PFKFB3: variants seen among roughly 807,000 people sequenced by gnomAD.
PFKFB3 encodes the protein 6-phosphofructo-2-kinase/fructose-2,6-bisphosphatase 3.
In PFKFB3, 33 loss-of-function variants were observed where a neutral mutation model predicts 68.0. The ratio of observed to expected loss-of-function variants is 0.49; its 90% confidence interval spans 0.37 to 0.65. PFKFB3 has a LOEUF of 0.65. Among genes scored for constraint, PFKFB3 ranks in the 30% least tolerant of loss-of-function variants. The pLI is 0.00. For missense variants in PFKFB3, 586 were observed against 712.2 expected (o/e 0.82, Z 2.02); for synonymous variants, 315 against 288.2 (o/e 1.09, Z -0.94).
At chr10:6,161,427 G>A (rs1173597165) in intron 1 of PFKFB3, among the ~76,000 whole-genome samples, 3 of 152,010 alleles carry the variant, frequency 2.0e-5, no homozygotes, top group Non-Finnish European at 2.9e-5. Flanking sequence ...GGGATCCTTT[G>A]CAGTCACTCA....
the PFKFB3 span, among the ~76,000 whole-genome samples, chr10:6,321,651 A>T: frequency 6.6e-6 from 1 of 152,024 alleles, no homozygotes; most frequent in Non-Finnish European, 1.5e-5. Flanking sequence ...CTTTGCACTC[A>T]CCCAGCAAAA....
In PFKFB3 at chr10:6,154,938, C is replaced by T. The variant is rs1420195752; in HGVS notation, c.16+9925C>T. 6.6e-6 allele frequency among the ~76,000 whole-genome samples: 1 copy of T among 152,094 alleles called. No individual in the cohort carries two copies. The highest frequency in any genetic ancestry group is 1.9e-4 in the East Asian group (1 of 5,184). ...TCCTTGGTAGAGGCTGTGAGTGGCC[C>T]GTAGGAGGTCATGGTGACCTCCATG... On this transcript the variant is annotated intron_variant, in intron 1 of 14. Transcript: ENST00000379789. This position sits in a 1 kb window ranked among gnomAD's most constrained non-coding sequence, Gnocchi z 4.6.
chr10:6,224,098 G>A, intron 12 of PFKFB3, 51 bp from the exon 13 acceptor site: 2 of 1,609,774 alleles, frequency 1.2e-6, no homozygotes, highest in African/African-American at 1.3e-5. Context: ...GCTGTAAGCG[G>A]TGCTGTCCCT....
At chr10:6,177,394 T>TTCTTTCTTTCTTCCTTTCTTTTCTTTC in intron 1 of PFKFB3, among the ~76,000 whole-genome samples, 1 of 138,400 alleles carries the variant, frequency 7.2e-6, no homozygotes, top group Admixed American at 7.3e-5. Flanking sequence ...CTTTCTTTCT[T>TTCTTTCTTTCTTCCTTTCTTTTCTTTC]TCTTTCTTTC....
the PFKFB3 span, among the ~76,000 whole-genome samples, chr10:6,261,493 A>G: frequency 6.6e-6 from 1 of 152,250 alleles, no homozygotes; most frequent in African/African-American, 2.4e-5. Context: ...ATGCATGGAC[A>G]CAAAGCAGGG....
chr10:6,321,902 G>C, the PFKFB3 span, among the ~76,000 whole-genome samples: 19 of 152,070 alleles, frequency 1.2e-4, no homozygotes, highest in Admixed American at 1.2e-3. Context: ...CCACTTCCTG[G>C]TTTCTAAACA....
At chr10:6,319,722 A>G in the PFKFB3 span, among the ~76,000 whole-genome samples, 1 of 152,180 alleles carries the variant, frequency 6.6e-6, no homozygotes, top group African/African-American at 2.4e-5. Context: ...AAATTAAAAA[A>G]TGGACAAAAA....
chr10:6,254,226 C>A (rs1383264771), exon 15 of PFKFB3: 2 of 398,396 alleles, frequency 5.0e-6, no homozygotes, highest in Non-Finnish European at 4.4e-6. Context: ...ACCAGTCCAG[C>A]CCCCTGAAGG....
At chr10:6,239,180 A>G (rs1020471807), downstream of PFKFB3, among the ~76,000 whole-genome samples, 4 of 152,172 alleles carry the variant, frequency 2.6e-5, no homozygotes, top group African/African-American at 9.7e-5. Context: ...CACGCCTGAC[A>G]GTTCCTGGCA....
chr10:6,169,031 C>A (rs553421297), intron 1 of PFKFB3, among the ~76,000 whole-genome samples: 115 of 134,562 alleles, frequency 8.5e-4, no homozygotes, highest in Non-Finnish European at 1.6e-3. Context: ...TGCAACCTCC[C>A]CCTGGTTCAA....
chr10:6,185,579 T>TCA (rs796279413), intron 1 of PFKFB3, among the ~76,000 whole-genome samples: 12 of 150,950 alleles, frequency 7.9e-5, no homozygotes, highest in African/African-American at 2.9e-4. Flanking sequence ...CTCATCTGGG[T>TCA]CACTACCTGG....
chr10:6,280,423 G>T, the PFKFB3 span, among the ~76,000 whole-genome samples: 5 of 152,196 alleles, frequency 3.3e-5, no homozygotes, highest in African/African-American at 1.2e-4. Context: ...AACCTGGCTC[G>T]CCTGACGGTG....
intron 14 of PFKFB3, among the ~76,000 whole-genome samples, chr10:6,246,327 TTTA>T (rs58641525): frequency 0.1 from 15,453 of 149,670 alleles, 1,014 homozygotes; most frequent in African/African-American, 0.18. Context: ...ATTTATTTTA[TTTA>T]TTATTATTAT....
At chr10:6,242,535 G>A (rs891881593) in intron 14 of PFKFB3, among the ~76,000 whole-genome samples, 2 of 152,062 alleles carry the variant, frequency 1.3e-5, no homozygotes, top group African/African-American at 4.8e-5. Context: ...GTGTGCAGGC[G>A]AACCTGTGGG....
At chr10:6,291,292 G>A in the PFKFB3 span, among the ~76,000 whole-genome samples, 14 of 152,148 alleles carry the variant, frequency 9.2e-5, no homozygotes, top group Admixed American at 2.0e-4. Context: ...CAGGCTGGGC[G>A]TGGTGGCTCA....
At chr10:6,303,925 T>C in the PFKFB3 span, among the ~76,000 whole-genome samples, 2 of 151,922 alleles carry the variant, frequency 1.3e-5, no homozygotes, top group African/African-American at 4.8e-5. Flanking sequence ...TTCTACGACA[T>C]GGATGCACCC....
At chr10:6,325,843 C>A in the PFKFB3 span, among the ~76,000 whole-genome samples, 19 of 152,156 alleles carry the variant, frequency 1.2e-4, no homozygotes, top group African/African-American at 4.6e-4. Context: ...GAGATACACA[C>A]GTACATCAAT....
chr10:6,228,424 A>T lies in PFKFB3; in HGVS notation c.1515+2059A>T. The stretch of plus-strand genomic sequence containing the variant: ...GCGTGCAGGCGGTCATGGTGGCTGC[A>T]CTACTGTTGGGTGTGTTCCGACACC... On this transcript the variant is annotated intron_variant, in intron 14 of 14. Transcript: ENST00000379775. This position sits in a 1 kb window ranked among gnomAD's most constrained non-coding sequence, Gnocchi z 4.5. 1 of 646,768 alleles carries T rather than the reference A, an allele frequency of 1.5e-6. No individual in the cohort carries two copies. Among genetic ancestry groups the T allele is most frequent in the Non-Finnish European group, 2.8e-6 (1 of 357,024 alleles). 40.1% of individuals were successfully genotyped at this position (646,768 alleles called of 1,614,324 possible).
At chr10:6,159,583 C>T (rs143307049) in intron 1 of PFKFB3, among the ~76,000 whole-genome samples, 1,619 of 149,466 alleles carry the variant, frequency 0.011, 66 homozygotes, top group East Asian at 0.1. Context: ...TCCCAGTTAC[C>T]CGGGAGGCTG....
Sources: allele counts gnomAD v4.1 joint callset (sites outside exome capture counted in the v4.1 genomes callset), GRCh38; gene constraint gnomAD v4.1.1; non-coding constraint Gnocchi (gnomAD v3.1); transcripts MANE v1.5; gene names NCBI Gene and HGNC (gene_info 2026-07-23, HGNC 2026-07-21).